JMJD1C: variants seen among roughly 807,000 people sequenced by gnomAD.
JMJD1C encodes jumonji domain-containing protein 1C.
A neutral mutation model predicts 245.3 loss-of-function variants in JMJD1C; 31 were observed. That is an observed-to-expected ratio of 0.13 (90% CI 0.09 to 0.17). The LOEUF is 0.17. JMJD1C is among the 10% of genes least tolerant of loss of function. JMJD1C has a pLI of 1.00. For synonymous variants in JMJD1C, 1,057 were observed against 1,017.4 expected (o/e 1.04, Z -0.74); for missense variants, 2,691 against 3,000.2 (o/e 0.90, Z 2.41).
At chr10:63,224,628 A>C (rs1392965167) in intron 3 of JMJD1C, among the ~76,000 whole-genome samples, 1 of 152,190 alleles carries the variant, frequency 6.6e-6, no homozygotes, top group East Asian at 1.9e-4. Flanking sequence ...AAGGTGCTAA[A>C]TGTTAGACAG....
At chr10:63,239,475 C>T (rs181396236) in intron 3 of JMJD1C, among the ~76,000 whole-genome samples, 5 of 152,142 alleles carry the variant, frequency 3.3e-5, no homozygotes, top group Admixed American at 2.0e-4. Flanking sequence ...ACTTGCGTCT[C>T]GCTCTGTCAC....
At chr10:63,169,235 G>C (rs1443934290) in intron 24 of JMJD1C, among the ~76,000 whole-genome samples, 1 of 152,058 alleles carries the variant, frequency 6.6e-6, no homozygotes, top group Non-Finnish European at 1.5e-5. Context: ...GTTTTCCCAA[G>C]AAGCCAGTCA....
intron 1 of JMJD1C, among the ~76,000 whole-genome samples, chr10:63,456,711 T>TATGTG (rs1311011463): frequency 6.6e-6 from 1 of 152,156 alleles, no homozygotes; most frequent in African/African-American, 2.4e-5. Context: ...TTCTGGCATG[T>TATGTG]TACATGCAAC....
At position 63,176,370 on chromosome 10, in the gene JMJD1C, T is replaced by C. The variant is rs777189076; in HGVS notation, c.7328A>G (p.Tyr2443Cys). ...KKLRQRLLEE[Y>C]GVRTCTLIQF... ...AATAAGAGTACAGGTTCTGACTCCA[T>C]ATTCTTCAAGCAGCCTTTGACGGAG... The change falls in exon 24 of 26, where the codon TAT becomes TGT. Residue 2443 changes from tyrosine to cysteine, a missense_variant. Physicochemically the swap from Tyr to Cys is radical, Grantham distance 194. This residue lies in a region of JMJD1C where 232 missense variants were observed against 416.1 expected (regional missense o/e 0.56). Transcript: ENST00000399262. 3.1e-6 allele frequency: 5 copies of C among 1,613,938 alleles called. No homozygotes were observed. The highest frequency in any genetic ancestry group is 1.7e-5 in the Admixed American group (1 of 59,992).
chr10:63,387,283 C>T (rs1460337639), intron 1 of JMJD1C, among the ~76,000 whole-genome samples: 1 of 152,014 alleles, frequency 6.6e-6, no homozygotes. Flanking sequence ...AATGTGAATC[C>T]ATGATAATAA....
intron 2 of JMJD1C, among the ~76,000 whole-genome samples, chr10:63,331,933 C>A (rs1056844386): frequency 1.3e-5 from 2 of 152,162 alleles, no homozygotes; most frequent in African/African-American, 4.8e-5. Flanking sequence ...TAACAACCAA[C>A]ATACCACAGA....
chr10:63,490,040 A>C (rs1166297158), intron 1 of JMJD1C, among the ~76,000 whole-genome samples: 1 of 152,172 alleles, frequency 6.6e-6, no homozygotes, highest in Admixed American at 6.5e-5. Flanking sequence ...TCCTTATGAG[A>C]ATCTAATGCC....
chr10:63,230,768 GT>G (rs950172427), intron 3 of JMJD1C, among the ~76,000 whole-genome samples: 81 of 148,260 alleles, frequency 5.5e-4, no homozygotes, highest in African/African-American at 1.9e-3. Context: ...GAGTGAGACT[GT>G]CCCCCCCCCC....
chr10:63,410,489 TA>T (rs1396133056), intron 1 of JMJD1C, among the ~76,000 whole-genome samples: 5 of 152,164 alleles, frequency 3.3e-5, no homozygotes, highest in Non-Finnish European at 7.4e-5. Context: ...GGACCACTGC[TA>T]ATACCAAGCT....
intron 3 of JMJD1C, among the ~76,000 whole-genome samples, chr10:63,224,895 C>G (rs1849058561): frequency 1.3e-5 from 2 of 151,950 alleles, no homozygotes; most frequent in African/African-American, 4.8e-5. Flanking sequence ...AACCCCATCT[C>G]TACTAAAAAT....
At chr10:63,218,304 C>A (rs1469765637) in intron 4 of JMJD1C, among the ~76,000 whole-genome samples, 1 of 151,910 alleles carries the variant, frequency 6.6e-6, no homozygotes, top group Non-Finnish European at 1.5e-5. Context: ...CCTTTGCCAG[C>A]TTTAAATATA....
chr10:63,251,158 G>A (rs1282909599), intron 3 of JMJD1C, among the ~76,000 whole-genome samples: 1 of 152,278 alleles, frequency 6.6e-6, no homozygotes, highest in Middle Eastern at 3.4e-3. Context: ...CATATATCGT[G>A]TTGTTGATTC....
chr10:63,184,089 G>A (rs1843812697), intron 21 of JMJD1C, among the ~76,000 whole-genome samples: 1 of 151,518 alleles, frequency 6.6e-6, no homozygotes, highest in African/African-American at 2.4e-5. Flanking sequence ...ACCACACCCA[G>A]CTAATTTTTC....
At chr10:63,445,464 AG>A (rs1262869113) in intron 1 of JMJD1C, among the ~76,000 whole-genome samples, 1 of 152,182 alleles carries the variant, frequency 6.6e-6, no homozygotes, top group Non-Finnish European at 1.5e-5. Flanking sequence ...AAAGGCCATA[AG>A]GGGAGACCAG....
At chr10:63,440,374 AG>A (rs1951312555) in intron 1 of JMJD1C, among the ~76,000 whole-genome samples, 2 of 150,216 alleles carry the variant, frequency 1.3e-5, no homozygotes, top group Admixed American at 1.3e-4. Context: ...ATAGAGAGAG[AG>A]AGAGAGAGAG....
intron 1 of JMJD1C, among the ~76,000 whole-genome samples, chr10:63,389,150 C>A (rs1425664845): frequency 6.6e-6 from 1 of 151,482 alleles, no homozygotes; most frequent in Non-Finnish European, 1.5e-5. Context: ...ATGGTGAAAC[C>A]CTATCTCTAC....
intron 1 of JMJD1C, among the ~76,000 whole-genome samples, chr10:63,408,819 C>T (rs1403007573): frequency 6.6e-6 from 1 of 151,220 alleles, no homozygotes; most frequent in Admixed American, 6.6e-5. Flanking sequence ...AAGGAAATCA[C>T]CAAGATGATA....
intron 2 of JMJD1C, among the ~76,000 whole-genome samples, chr10:63,324,959 C>G (rs1481641021): frequency 2.0e-5 from 3 of 152,156 alleles, no homozygotes; most frequent in African/African-American, 7.2e-5. Context: ...TTACTGTCAG[C>G]TGGCTATCTA....
intron 25 of JMJD1C, 84 bp from the exon 26 acceptor site, chr10:63,168,218 A>G: frequency 8.6e-7 from 1 of 1,160,726 alleles, no homozygotes; most frequent in Non-Finnish European, 1.3e-6. Flanking sequence ...TAAAAAAATA[A>G]TAGGGAACTA....
Sources: allele counts gnomAD v4.1 joint callset (sites outside exome capture counted in the v4.1 genomes callset), GRCh38; gene constraint gnomAD v4.1.1; regional missense constraint gnomAD v4.1.1; transcripts MANE v1.5; gene names NCBI Gene and HGNC (gene_info 2026-07-23, HGNC 2026-07-21).